The following KCNQ1 variants were observed in gnomAD, a reference collection of about 807,000 sequenced individuals.
The protein encoded by KCNQ1 is potassium voltage-gated channel subfamily KQT member 1.
KCNQ1 carries 49 observed loss-of-function variants against 72.4 expected under a neutral mutation model. That is an observed-to-expected ratio of 0.68 (90% CI 0.54 to 0.86). KCNQ1 has a LOEUF of 0.86. Among genes scored for constraint, KCNQ1 ranks in the 40% least tolerant of loss-of-function variants. The probability of loss-of-function intolerance (pLI) is 0.00; values close to 1 mark genes in which losing one functional copy is unlikely to be tolerated. For missense variants in KCNQ1, 790 were observed against 945.1 expected, an observed-to-expected ratio of 0.84 and a Z score of 2.15; for synonymous variants, 450 against 412.6, an observed-to-expected ratio of 1.09 and a Z score of -1.10.
At chr11:2,743,420 T>C (rs1366955005) in intron 11 of KCNQ1, among the ~76,000 whole-genome samples, 1 of 152,080 alleles carries the variant, frequency 6.6e-6, no homozygotes, top group Non-Finnish European at 1.5e-5. Flanking sequence ...CACTTAGGGG[T>C]AGAAATTATC....
chr11:2,801,299 C>A (rs1048832520), intron 15 of KCNQ1, among the ~76,000 whole-genome samples: 1 of 152,198 alleles, frequency 6.6e-6, no homozygotes, highest in African/African-American at 2.4e-5. Flanking sequence ...CCTGTAGGGG[C>A]GGGCACTCAC....
chr11:2,829,330 G>T (rs754381250), intron 15 of KCNQ1, among the ~76,000 whole-genome samples: 26 of 152,210 alleles, frequency 1.7e-4, no homozygotes, highest in Non-Finnish European at 7.3e-5. Context: ...AAAAATGAAG[G>T]TGATAGACTG....
chr11:2,773,220 A>G (rs73419399), intron 12 of KCNQ1, among the ~76,000 whole-genome samples: 14,846 of 152,190 alleles, frequency 0.098, 794 homozygotes, highest in Middle Eastern at 0.17. Context: ...AAGGCTCAGT[A>G]TCCCATCTTA....
In KCNQ1 at chr11:2,565,191, G is replaced by A. The variant is rs1013446765; in HGVS notation, c.478-5437G>A. Among the ~76,000 whole-genome samples the A allele has an allele frequency of 6.6e-6, 1 of 152,172 alleles. No homozygotes were observed. The highest frequency in any genetic ancestry group is 1.5e-5 in the Non-Finnish European group (1 of 68,030). On this transcript the variant is annotated intron_variant, in intron 2 of 15. Coordinates refer to ENST00000155840, the MANE Select transcript of KCNQ1 (RefSeq NM_000218.3). This position sits in a 1 kb window ranked among gnomAD's most constrained non-coding sequence, Gnocchi z 5.6. ...AGTTTTAGGTTCACAGCAAAATCGA[G>A]CGGCTGGTCATTTCACGCTTTAAAG...
chr11:2,600,343 T>C lies in KCNQ1; in HGVS notation c.1393+11489T>C, dbSNP rs1208320753. 6.6e-6 allele frequency among the ~76,000 whole-genome samples: 1 copy of C among 152,206 alleles called. No individual in the cohort carries two copies. The highest frequency in any genetic ancestry group is 1.5e-5 in the Non-Finnish European group (1 of 68,040). ...AAACAAACTGTTTATTTGGCCATAA[T>C]TTTGAACTACAGAAAAATTACAAGC... On this transcript the variant is annotated intron_variant, in intron 10 of 15. Coordinates refer to ENST00000155840, the MANE Select transcript of KCNQ1 (RefSeq NM_000218.3). The surrounding 1 kb of genome is among the most constrained non-coding windows in gnomAD (Gnocchi z 5.6).
In KCNQ1 at chr11:2,617,610, T is replaced by C. The variant is rs1849088412; in HGVS notation, c.1393+28756T>C. ...GGGATTAGTGGGTCAGATGATAGTA[T>C]ATTTTCAATTTCTTTAGGAGCCACC... On this transcript the variant is annotated intron_variant, in intron 10 of 15. Transcript: ENST00000155840. This position sits in a 1 kb window ranked among gnomAD's most constrained non-coding sequence, Gnocchi z 4.6. 1 of 398,358 alleles carries C rather than the reference T, an allele frequency of 2.5e-6. No homozygotes were observed. Among genetic ancestry groups the C allele is most frequent in the South Asian group, 1.3e-4 (1 of 7,860 alleles). The allele number at this position is 398,358 out of a possible 1,614,324, so 24.7% of individuals were successfully genotyped here.
intron 1 of KCNQ1, among the ~76,000 whole-genome samples, chr11:2,499,525 TG>T (rs1172313101): frequency 1.2e-5 from 1 of 83,182 alleles, no homozygotes; most frequent in Non-Finnish European, 3.6e-5. Context: ...AATGGACCCC[TG>T]CCCCCACAAA....
chr11:2,446,205 G>T lies in KCNQ1; in HGVS notation c.386+721G>T, dbSNP rs1846034618. 6.6e-6 allele frequency among the ~76,000 whole-genome samples: 1 copy of T among 152,184 alleles called. No individual in the cohort carries two copies. The highest frequency in any genetic ancestry group is 2.1e-4 in the South Asian group (1 of 4,836). ...CCAATTCCCGGTACAGCGTGCCTGA[G>T]CAGGGCTGGGCACTGGATTTCTCAG... On this transcript the variant is annotated intron_variant, in intron 1 of 15. Coordinates refer to ENST00000155840, the MANE Select transcript of KCNQ1 (RefSeq NM_000218.3). The surrounding 1 kb of genome is among the most constrained non-coding windows in gnomAD (Gnocchi z 8.8).
intron 11 of KCNQ1, chr11:2,696,700 C>G (rs982479779): frequency 4.5e-5 from 18 of 398,482 alleles, no homozygotes; most frequent in African/African-American, 3.5e-4. Flanking sequence ...AATAAAATGT[C>G]TCTGCATATG....
intron 11 of KCNQ1, among the ~76,000 whole-genome samples, chr11:2,749,975 A>T (rs1047884265): frequency 7.9e-5 from 12 of 150,974 alleles, no homozygotes; most frequent in Non-Finnish European, 1.5e-4. Context: ...AAAAAAAAAT[A>T]AAAAGTACAG....
chr11:2,506,575 T>C (rs979771587), intron 1 of KCNQ1, among the ~76,000 whole-genome samples: 4 of 152,244 alleles, frequency 2.6e-5, no homozygotes, highest in Admixed American at 1.3e-4. Flanking sequence ...TTCGTAGGTA[T>C]GGATGTTCCT....
Position 2,679,244 on chromosome 11 carries a change from G to T in KCNQ1, c.1514+17163G>T. On this transcript the variant is annotated intron_variant, in intron 11 of 15. Coordinates refer to ENST00000155840, the MANE Select transcript of KCNQ1 (RefSeq NM_000218.3). The surrounding 1 kb of genome is among the most constrained non-coding windows in gnomAD (Gnocchi z 4.8). ...CTGGTCCAGAGGACTACAGCTGCCT[G>T]TCCCACCCTTGGCTGTGCTCTCCTT... 2.5e-6 allele frequency: 1 copy of T among 398,670 alleles called. No individual in the cohort carries two copies. Among genetic ancestry groups the T allele is most frequent in the Non-Finnish European group, 4.4e-6 (1 of 226,092 alleles). 24.7% of individuals were successfully genotyped at this position (398,670 alleles called of 1,614,324 possible). A position where few individuals can be genotyped will look rare whatever the true frequency, so the allele number is the denominator to read the frequency against.
rs759744239 is a variant in KCNQ1 at position 2,478,094 on chromosome 11, C to G, written c.386+32610C>G. 1.4e-4 allele frequency among the ~76,000 whole-genome samples: 21 copies of G among 152,180 alleles called. No individual in the cohort carries two copies. Among genetic ancestry groups the G allele is most frequent in the Non-Finnish European group, 2.6e-4 (18 of 68,032 alleles). On this transcript the variant is annotated intron_variant, in intron 1 of 15. Coordinates refer to ENST00000155840, the MANE Select transcript of KCNQ1 (RefSeq NM_000218.3). The surrounding 1 kb of genome is among the most constrained non-coding windows in gnomAD (Gnocchi z 4.0). ...AATGGGACAGGCCAGCTTCACCACC[C>G]TCCGGATGGACAGCCTCGGTAGCAG...
At chr11:2,708,242 G>A (rs1291099930) in intron 11 of KCNQ1, among the ~76,000 whole-genome samples, 1 of 152,182 alleles carries the variant, frequency 6.6e-6, no homozygotes, top group Non-Finnish European at 1.5e-5. Flanking sequence ...CAGCCGCTTT[G>A]GAGACTTGAC....
At chr11:2,744,350 G>A (rs1428206000) in intron 11 of KCNQ1, among the ~76,000 whole-genome samples, 1 of 152,236 alleles carries the variant, frequency 6.6e-6, no homozygotes, top group Non-Finnish European at 1.5e-5. Flanking sequence ...GCACCAGCTT[G>A]TGTAGCAGCT....
chr11:2,694,619 G>A (rs1850643405), intron 11 of KCNQ1: 1 of 398,580 alleles, frequency 2.5e-6, no homozygotes, highest in Non-Finnish European at 4.4e-6. Flanking sequence ...TTCAATAAAT[G>A]AATGAAACCA....
chr11:2,449,365 C>A (rs1005664827), intron 1 of KCNQ1, among the ~76,000 whole-genome samples: 1 of 152,128 alleles, frequency 6.6e-6, no homozygotes, highest in African/African-American at 2.4e-5. Context: ...ATATAACGTG[C>A]GGGCTGCGTT....
intron 15 of KCNQ1, among the ~76,000 whole-genome samples, chr11:2,829,694 T>G (rs950668431): frequency 1.3e-4 from 19 of 151,558 alleles, no homozygotes; most frequent in African/African-American, 4.6e-4. Context: ...ATGTCTAAAG[T>G]GACAAAATTT....
chr11:2,700,353 G>C (rs982921175), intron 11 of KCNQ1, among the ~76,000 whole-genome samples: 1 of 152,148 alleles, frequency 6.6e-6, no homozygotes, highest in East Asian at 1.9e-4. Flanking sequence ...ACACGGGCCA[G>C]TTCTCTGCGT....
Sources: gnomAD v4.1 joint callset for allele counts (sites outside exome capture counted in the v4.1 genomes callset) on GRCh38, gnomAD v4.1.1 for gene constraint, Gnocchi (gnomAD v3.1) non-coding constraint, MANE v1.5 for transcripts, NCBI Gene and HGNC (gene_info 2026-07-23, HGNC 2026-07-21) for gene names.